Variants in PRKCH observed in about 807,000 individuals in gnomAD.
PRKCH encodes protein kinase C eta.
Under a neutral mutation model 82.5 loss-of-function variants are expected in PRKCH, and 28 were observed. The ratio of observed to expected loss-of-function variants is 0.34; its 90% confidence interval spans 0.25 to 0.47. PRKCH has a LOEUF of 0.47. PRKCH is among the 20% of genes least tolerant of loss of function. PRKCH has a pLI of 1.00. For synonymous variants in PRKCH, 322 were observed against 327.4 expected (o/e 0.98, Z 0.18); for missense variants, 705 against 881.8 (o/e 0.80, Z 2.54).
intron 9 of PRKCH, among the ~76,000 whole-genome samples, chr14:61,478,193 T>A (rs897178280): frequency 6.6e-6 from 1 of 152,216 alleles, no homozygotes; most frequent in African/African-American, 2.4e-5. Context: ...TCAAAGCCCT[T>A]AGCTTAAATC....
upstream of PRKCH, among the ~76,000 whole-genome samples, chr14:61,321,167 G>A (rs1205514724): frequency 1.3e-5 from 2 of 152,202 alleles, no homozygotes; most frequent in Non-Finnish European, 2.9e-5. The surrounding 1 kb of genome is among the most constrained non-coding windows in gnomAD (Gnocchi z 4.1). Flanking sequence ...CCTCCCCGCC[G>A]TGCCCCCGCC....
intron 1 of PRKCH, among the ~76,000 whole-genome samples, chr14:61,210,479 C>T (rs1441481341): frequency 6.6e-6 from 1 of 152,062 alleles, no homozygotes; most frequent in African/African-American, 2.4e-5. Context: ...TTACCTGGGG[C>T]CCTGGTGTAA....
intron 1 of PRKCH, chr14:61,278,528 A>G (rs2045224403): frequency 6.6e-6 from 1 of 152,232 alleles, no homozygotes; most frequent in South Asian, 2.1e-4. Context: ...CTTAACTGCT[A>G]AAAAGTACTT....
chr14:61,289,938 C>T (rs1566808599), intron 1 of PRKCH, among the ~76,000 whole-genome samples: 1 of 152,140 alleles, frequency 6.6e-6, no homozygotes, highest in Non-Finnish European at 1.5e-5. Flanking sequence ...TAAGTCATTG[C>T]ATCTGTGAGA....
intron 1 of PRKCH, chr14:61,279,158 A>G (rs1566804063): frequency 6.6e-6 from 1 of 152,262 alleles, no homozygotes; most frequent in Non-Finnish European, 1.5e-5. Context: ...GAGTTTCTAC[A>G]CAGTACCTGG....
intron 1 of PRKCH, among the ~76,000 whole-genome samples, 175 bp from the exon 2 acceptor site, chr14:61,391,048 TAC>T (rs1384097373): frequency 6.6e-6 from 1 of 152,210 alleles, no homozygotes; most frequent in East Asian, 1.9e-4. Flanking sequence ...TTTCAGTCTT[TAC>T]AGTTTTTTGA....
chr14:61,280,771 A>G lies in PRKCH; in HGVS notation c.-19+93103A>G, dbSNP rs962918264. 5.1e-6 allele frequency: 8 copies of G among 1,557,020 alleles called. No homozygotes were observed. The highest frequency in any genetic ancestry group is 2.7e-5 in the African/African-American group (2 of 73,866). On this transcript the variant is annotated intron_variant, in intron 1 of 3. Transcript: ENST00000555185. This position sits in a 1 kb window ranked among gnomAD's most constrained non-coding sequence, Gnocchi z 5.0. ...GCTCAGCTGCGCGTCGTCGCGGGACACGCCGTAGCGCCGGTTGTTCTGGTA... is the reference window on the plus strand; with the variant it reads ...GCTCAGCTGCGCGTCGTCGCGGGACGCGCCGTAGCGCCGGTTGTTCTGGTA...
chr14:61,285,371 C>T (rs375333137), intron 1 of PRKCH, among the ~76,000 whole-genome samples: 5 of 152,158 alleles, frequency 3.3e-5, no homozygotes, highest in Admixed American at 1.3e-4. Context: ...GAATGCTGGC[C>T]GGACCTTAAG....
Position 61,440,517 on chromosome 14 carries a change from C to G in PRKCH, c.428-2594C>G, listed in dbSNP as rs116634421. Among the ~76,000 whole-genome samples, 768 of 152,338 alleles carry G rather than the reference C, an allele frequency of 5.0e-3. 6 individuals are homozygous for G. The highest frequency in any genetic ancestry group is 0.017 in the African/African-American group (715 of 41,566). ...ATTTGGACTCTTTCTGCATTTCACT[C>G]TTTGAGATCTATTGTGTAGACTCTA... On this transcript the variant is annotated intron_variant, in intron 2 of 13. Transcript: ENST00000332981.
chr14:61,456,809 T>A (rs1248147573), intron 7 of PRKCH: 1 of 189,040 alleles, frequency 5.3e-6, no homozygotes, highest in African/African-American at 2.3e-5. Context: ...AACTGCTCTC[T>A]GTAAAAAGTG....
chr14:61,194,607 G>C (rs995436809), intron 1 of PRKCH, among the ~76,000 whole-genome samples: 3 of 152,138 alleles, frequency 2.0e-5, no homozygotes, highest in Non-Finnish European at 4.4e-5. Flanking sequence ...CCCAGTTTAT[G>C]ATATATTGTT....
At chr14:61,300,921 G>A (rs1002055214) in intron 1 of PRKCH, among the ~76,000 whole-genome samples, 8 of 152,094 alleles carry the variant, frequency 5.3e-5, no homozygotes, top group African/African-American at 1.9e-4. Flanking sequence ...AGGGTGGGGT[G>A]GTCAGCTTCT....
chr14:61,331,301 T>C lies in PRKCH; in HGVS notation c.363+8837T>C, dbSNP rs1053081397. The stretch of plus-strand genomic sequence containing the variant: ...GAAAGCTAGCTTACTAGTAAATATA[T>C]GGGGAGTTAACTTTTACTGCAAATT... On this transcript the variant is annotated intron_variant, in intron 1 of 13. Coordinates refer to ENST00000332981, the MANE Select transcript of PRKCH (RefSeq NM_006255.5). Among the ~76,000 whole-genome samples the C allele has an allele frequency of 3.3e-5, 5 of 152,184 alleles. No homozygotes were observed. In the South Asian group the frequency reaches 1.0e-3, roughly 32 times the overall value.
chr14:61,486,983 T>A (rs1886253619), intron 10 of PRKCH, among the ~76,000 whole-genome samples: 1 of 152,242 alleles, frequency 6.6e-6, no homozygotes, highest in Non-Finnish European at 1.5e-5. Flanking sequence ...ATTGACATCA[T>A]TATTAAATTA....
chr14:61,215,693 G>A (rs2044611252), intron 1 of PRKCH, among the ~76,000 whole-genome samples: 1 of 152,172 alleles, frequency 6.6e-6, no homozygotes, highest in Non-Finnish European at 1.5e-5. Flanking sequence ...TGAAGCCTCT[G>A]CCCTGAGGTC....
At chr14:61,265,882 G>A (rs1415872326) in intron 1 of PRKCH, among the ~76,000 whole-genome samples, 1 of 152,086 alleles carries the variant, frequency 6.6e-6, no homozygotes, top group Non-Finnish European at 1.5e-5. Context: ...ATCACTAGAG[G>A]TGAGGAGTTC....
intron 12 of PRKCH, among the ~76,000 whole-genome samples, chr14:61,533,843 C>T (rs1413269196): frequency 6.6e-6 from 1 of 152,222 alleles, no homozygotes; most frequent in Admixed American, 6.5e-5. Flanking sequence ...TTACACTCTG[C>T]CCTTATCTCT....
intron 1 of PRKCH, among the ~76,000 whole-genome samples, chr14:61,314,230 CT>C (rs2045545387): frequency 6.6e-6 from 1 of 151,712 alleles, no homozygotes; most frequent in Non-Finnish European, 1.5e-5. Flanking sequence ...GTGTATGAAT[CT>C]ACAAAACTAT....
Position 61,454,548 on chromosome 14 carries a change from G to T in PRKCH, c.960+1195G>T, listed in dbSNP as rs373125164. On this transcript the variant is annotated intron_variant, in intron 7 of 13. Coordinates refer to ENST00000332981, the MANE Select transcript of PRKCH (RefSeq NM_006255.5). ...GCGTCAGCGTCCTCACCTCTAAAGC[G>T]GTTCAACTTGAAGATCTCAGAGGCT... 1.3e-4 allele frequency among the ~76,000 whole-genome samples: 20 copies of T among 152,170 alleles called. 3 individuals carry two copies. The highest frequency in any genetic ancestry group is 1.2e-3 in the Admixed American group (18 of 15,288).
Sources: allele counts gnomAD v4.1 joint callset (sites outside exome capture counted in the v4.1 genomes callset), GRCh38; gene constraint gnomAD v4.1.1; non-coding constraint Gnocchi (gnomAD v3.1); transcripts MANE v1.5; gene names NCBI Gene and HGNC (gene_info 2026-07-23, HGNC 2026-07-21).